The following CDH13 variants were observed in gnomAD, a reference collection of about 807,000 sequenced individuals.
CDH13 encodes the protein cadherin 13.
A neutral mutation model predicts 63.8 loss-of-function variants in CDH13; 24 were observed. The observed-to-expected ratio is 0.38, with a 90% CI of 0.27 to 0.53. The LOEUF is 0.53. CDH13 is among the 20% of genes least tolerant of loss of function. The pLI, the probability that CDH13 is intolerant of heterozygous loss-of-function variation, is 0.85. For missense variants in CDH13, 1,049 were observed against 903.1 expected (o/e 1.16, Z -2.07); for synonymous variants, 503 against 355.3 (o/e 1.42, Z -4.67).
At chr16:82,909,957 T>C (rs1350653815) in intron 2 of CDH13, among the ~76,000 whole-genome samples, 1 of 152,306 alleles carries the variant, frequency 6.6e-6, no homozygotes, top group African/African-American at 2.4e-5. Flanking sequence ...GTTTTATTAA[T>C]ACCTTCCCTC....
intron 1 of CDH13, among the ~76,000 whole-genome samples, chr16:82,794,866 C>G (rs911896664): frequency 1.3e-5 from 2 of 152,116 alleles, no homozygotes; most frequent in African/African-American, 4.8e-5. Context: ...ACATATAAAC[C>G]CCTTTTACCT....
chr16:83,098,866 A>G (rs746362954), intron 3 of CDH13, among the ~76,000 whole-genome samples: 15 of 152,214 alleles, frequency 9.9e-5, no homozygotes, highest in Non-Finnish European at 2.1e-4. Context: ...GTTGAAACAG[A>G]TAAGACGTCA....
chr16:83,259,890 T>C (rs150271366), intron 5 of CDH13, among the ~76,000 whole-genome samples: 111 of 152,034 alleles, frequency 7.3e-4, no homozygotes, highest in Non-Finnish European at 1.4e-3. Context: ...GGGCCTAAAA[T>C]CATGGGAGAA....
chr16:83,691,289 A>T (rs1598486981), intron 10 of CDH13, among the ~76,000 whole-genome samples: 2 of 152,110 alleles, frequency 1.3e-5, no homozygotes, highest in South Asian at 2.1e-4. Flanking sequence ...TTTGAGGTAG[A>T]CAAAGGGAGC....
chr16:83,026,586 C>A (rs1444506439), intron 2 of CDH13, among the ~76,000 whole-genome samples: 2 of 151,778 alleles, frequency 1.3e-5, no homozygotes, highest in African/African-American at 2.4e-5. Context: ...TAAAATTTTA[C>A]AGGAATAGTG....
At chr16:82,790,621 C>T (rs192840748) in intron 1 of CDH13, among the ~76,000 whole-genome samples, 121 of 152,168 alleles carry the variant, frequency 8.0e-4, no homozygotes, top group East Asian at 1.4e-3. Flanking sequence ...AAGGAAATAC[C>T]GGAGACTAGG....
At chr16:82,979,938 G>C (rs978555648) in intron 2 of CDH13, among the ~76,000 whole-genome samples, 1 of 152,194 alleles carries the variant, frequency 6.6e-6, no homozygotes, top group African/African-American at 2.4e-5. Context: ...CTTGGGTCAT[G>C]TTTAAGTAAG....
chr16:83,091,710 G>T (rs991751921), intron 3 of CDH13, among the ~76,000 whole-genome samples: 2 of 152,140 alleles, frequency 1.3e-5, no homozygotes, highest in Non-Finnish European at 2.9e-5. Flanking sequence ...ATCTGCTAGG[G>T]TATTCACTTC....
intron 7 of CDH13, among the ~76,000 whole-genome samples, chr16:83,598,517 T>C (rs969211743): frequency 6.6e-6 from 1 of 152,222 alleles, no homozygotes; most frequent in Admixed American, 6.5e-5. Context: ...TGCTATTGTA[T>C]GGTGTGATAG....
chr16:82,758,225 G>GA (rs555477153), intron 1 of CDH13, among the ~76,000 whole-genome samples: 293 of 151,696 alleles, frequency 1.9e-3, no homozygotes, highest in African/African-American at 6.8e-3. Flanking sequence ...TGAGCTATGA[G>GA]AAAAAAAAGG....
At chr16:82,940,278 C>G (rs1032752712) in intron 2 of CDH13, among the ~76,000 whole-genome samples, 1 of 152,160 alleles carries the variant, frequency 6.6e-6, no homozygotes, top group African/African-American at 2.4e-5. Context: ...TTGCCTTGAG[C>G]AAATTATTCC....
chr16:83,278,461 C>G (rs146840887), intron 5 of CDH13, among the ~76,000 whole-genome samples: 2 of 152,154 alleles, frequency 1.3e-5, no homozygotes, highest in Non-Finnish European at 2.9e-5. Flanking sequence ...CGTGCAAAGC[C>G]AAGCCCTGAC....
At chr16:83,588,342 A>G (rs1258497763) in intron 7 of CDH13, among the ~76,000 whole-genome samples, 1 of 152,170 alleles carries the variant, frequency 6.6e-6, no homozygotes, top group Non-Finnish European at 1.5e-5. Flanking sequence ...CCTGAGGCCA[A>G]ATTTGCTGTG....
chr16:83,668,613 G>T (rs1407754060), intron 8 of CDH13, among the ~76,000 whole-genome samples: 2 of 152,218 alleles, frequency 1.3e-5, no homozygotes, highest in East Asian at 3.8e-4. Flanking sequence ...TTTGGCTCTG[G>T]ACCGCAGCAA....
At chr16:83,139,435 A>G (rs1485505781) in intron 4 of CDH13, among the ~76,000 whole-genome samples, 3 of 152,152 alleles carry the variant, frequency 2.0e-5, no homozygotes, top group African/African-American at 7.2e-5. Flanking sequence ...ATTTCTTCTT[A>G]GTGATCTCTT....
At chr16:82,933,960 G>T (rs1381442557) in intron 2 of CDH13, among the ~76,000 whole-genome samples, 1 of 152,140 alleles carries the variant, frequency 6.6e-6, no homozygotes, top group Non-Finnish European at 1.5e-5. Context: ...TCATGGGCTG[G>T]CAGCGTCTAT....
At chr16:83,637,036 G>A (rs118081957) in intron 8 of CDH13, among the ~76,000 whole-genome samples, 3 of 152,212 alleles carry the variant, frequency 2.0e-5, no homozygotes, top group Non-Finnish European at 4.4e-5. Flanking sequence ...TTTCATTTGT[G>A]AATTGGCCAT....
At chr16:82,742,470 T>TTA (rs2033976054) in intron 1 of CDH13, among the ~76,000 whole-genome samples, 1 of 152,164 alleles carries the variant, frequency 6.6e-6, no homozygotes, top group Admixed American at 6.5e-5. Context: ...AAGTTATTGA[T>TTA]TATGTATAGC....
chr16:83,032,265 TTCTG>T, intron 3 of CDH13, 47 bp downstream of exon 3: 2 of 1,467,458 alleles, frequency 1.4e-6, no homozygotes, highest in South Asian at 1.2e-5. Context: ...GGACATTAGG[TTCTG>T]TCTGTCTTAT....
Sources: allele counts gnomAD v4.1 joint callset (sites outside exome capture counted in the v4.1 genomes callset), GRCh38; gene constraint gnomAD v4.1.1; transcripts MANE v1.5; gene names NCBI Gene and HGNC (gene_info 2026-07-23, HGNC 2026-07-21).